CALN1: variants seen among roughly 807,000 people sequenced by gnomAD.
The protein encoded by CALN1 is calcium-binding protein 8.
Under a neutral mutation model 30.6 loss-of-function variants are expected in CALN1, and 17 were observed. The observed-to-expected ratio is 0.56, with a 90% CI of 0.38 to 0.83. CALN1 has a LOEUF of 0.83. CALN1 is among the 40% of genes least tolerant of loss of function. CALN1 has a pLI of 0.00. For missense variants in CALN1, 291 were observed against 354.9 expected (o/e 0.82, Z 1.45); for synonymous variants, 156 against 131.4 (o/e 1.19, Z -1.28).
At chr7:72,383,370 A>G (rs769801854) in intron 2 of CALN1, among the ~76,000 whole-genome samples, 3 of 152,198 alleles carry the variant, frequency 2.0e-5, no homozygotes, top group Non-Finnish European at 4.4e-5. Flanking sequence ...ACTAACTTGC[A>G]TTCCCACCAA....
At chr7:71,935,481 G>C (rs940406511) in intron 5 of CALN1, among the ~76,000 whole-genome samples, 4 of 152,214 alleles carry the variant, frequency 2.6e-5, no homozygotes, top group Non-Finnish European at 5.9e-5. Context: ...CCAGCAGTTT[G>C]GGAGGCCGAG....
the CALN1 span, among the ~76,000 whole-genome samples, chr7:72,472,087 C>A: frequency 1.3e-5 from 2 of 152,208 alleles, no homozygotes; most frequent in East Asian, 3.9e-4. Flanking sequence ...TGAGCCACTG[C>A]GCCCAGCCAA....
intron 3 of CALN1, among the ~76,000 whole-genome samples, chr7:72,241,828 T>G (rs1447958116): frequency 6.6e-6 from 1 of 152,180 alleles, no homozygotes; most frequent in Non-Finnish European, 1.5e-5. Context: ...CCATGCCATC[T>G]AAAAAGTAAA....
chr7:72,351,820 C>T (rs1802937221), intron 2 of CALN1, among the ~76,000 whole-genome samples: 1 of 152,126 alleles, frequency 6.6e-6, no homozygotes. Flanking sequence ...ACATTTACAC[C>T]TAAATATATT....
intron 3 of CALN1, among the ~76,000 whole-genome samples, chr7:72,221,573 G>C (rs1428866980): frequency 2.0e-5 from 3 of 152,076 alleles, no homozygotes; most frequent in African/African-American, 7.2e-5. Flanking sequence ...AACTACTTAG[G>C]ACCAGGAAAA....
the CALN1 span, among the ~76,000 whole-genome samples, chr7:72,499,767 T>A: frequency 7.3e-6 from 1 of 136,648 alleles, no homozygotes; most frequent in African/African-American, 2.9e-5. Context: ...CCGCAAAACT[T>A]TCTTTCTTTC....
the CALN1 span, among the ~76,000 whole-genome samples, chr7:72,489,023 A>C: frequency 6.6e-6 from 1 of 151,620 alleles, no homozygotes; most frequent in African/African-American, 2.4e-5. Flanking sequence ...ATATGGTAAA[A>C]TTTTTTTTTC....
chr7:71,936,450 T>C (rs1439371368), intron 5 of CALN1, among the ~76,000 whole-genome samples: 1 of 150,632 alleles, frequency 6.6e-6, no homozygotes, highest in Non-Finnish European at 1.5e-5. Flanking sequence ...TTCACTCCTC[T>C]GGCACTGTAC....
rs992898410 is a variant in CALN1 at position 72,305,021 on chromosome 7, G to A, written c.120-26211C>T. On this transcript the variant is annotated intron_variant, in intron 2 of 6. Coordinates refer to ENST00000395275, the MANE Select transcript of CALN1 (RefSeq NM_031468.4). ...AGGACCAAGGCTGCCTGATGGCCAC[G>A]GCTACAGTGACCTGCAGCCTCGCAT... Among the ~76,000 whole-genome samples the A allele has an allele frequency of 1.1e-4, 16 of 152,268 alleles. No individual in the cohort carries two copies. The South Asian group carries it at 1.7e-3, about 16-fold the overall frequency.
chr7:72,104,506 T>A (rs891813891), intron 4 of CALN1, among the ~76,000 whole-genome samples: 1 of 152,122 alleles, frequency 6.6e-6, no homozygotes, highest in Non-Finnish European at 1.5e-5. Context: ...ATCACCTTGG[T>A]ATTAAGCCCA....
chr7:71,913,272 A>G (rs1794518702), intron 5 of CALN1, among the ~76,000 whole-genome samples: 1 of 152,178 alleles, frequency 6.6e-6, no homozygotes, highest in African/African-American at 2.4e-5. Flanking sequence ...AGTCACTTCT[A>G]CTGTGCATTA....
Position 72,269,343 on chromosome 7 carries a change from T to A in CALN1, c.244+9343A>T, listed in dbSNP as rs967589861. Among the ~76,000 whole-genome samples the A allele has an allele frequency of 2.6e-5, 4 of 152,070 alleles. No homozygotes were observed. The East Asian group carries it at 7.7e-4, about 29-fold the overall frequency. The stretch of plus-strand genomic sequence containing the variant: ...ATTTAACATTAGGTATATCTCCTAA[T>A]GCTATCCCTCCCCCCTGCCCCCACT... On this transcript the variant is annotated intron_variant, in intron 3 of 6. Coordinates refer to ENST00000395275, the MANE Select transcript of CALN1 (RefSeq NM_031468.4).
At chr7:72,503,878 C>A in the CALN1 span, among the ~76,000 whole-genome samples, 4 of 152,036 alleles carry the variant, frequency 2.6e-5, no homozygotes, top group African/African-American at 9.7e-5. Context: ...TCAGTCAAGG[C>A]GAGAATGCCT....
chr7:72,265,041 C>G (rs1040316631), intron 3 of CALN1, among the ~76,000 whole-genome samples: 2 of 152,278 alleles, frequency 1.3e-5, no homozygotes, highest in African/African-American at 4.8e-5. Context: ...GGTTTTGTCT[C>G]GAACTTCTGG....
intron 5 of CALN1, among the ~76,000 whole-genome samples, chr7:71,922,592 A>T (rs1317027259): frequency 1.5e-4 from 20 of 137,758 alleles, no homozygotes; most frequent in Admixed American, 3.1e-4. Flanking sequence ...AGAATGTATT[A>T]TATATAAATA....
chr7:72,488,470 C>T, the CALN1 span, among the ~76,000 whole-genome samples: 1 of 152,160 alleles, frequency 6.6e-6, no homozygotes, highest in Non-Finnish European at 1.5e-5. Context: ...CTCTCCCTTT[C>T]TTTCAGAATT....
At chr7:72,331,591 C>G (rs1026662520) in intron 2 of CALN1, among the ~76,000 whole-genome samples, 2 of 152,198 alleles carry the variant, frequency 1.3e-5, no homozygotes, top group African/African-American at 4.8e-5. Context: ...AATTCAAGGG[C>G]AAGCCAGGGG....
intron 5 of CALN1, among the ~76,000 whole-genome samples, chr7:71,832,138 T>G (rs1285918565): frequency 6.6e-6 from 1 of 152,058 alleles, no homozygotes; most frequent in South Asian, 2.1e-4. Context: ...AAAACACCCC[T>G]GCTTTTTTTT....
At chr7:72,099,882 C>T (rs1246439052) in intron 4 of CALN1, among the ~76,000 whole-genome samples, 1 of 152,170 alleles carries the variant, frequency 6.6e-6, no homozygotes, top group Non-Finnish European at 1.5e-5. Context: ...CTCAGAAGTT[C>T]TGCTTTCAGC....
Sources: gnomAD v4.1 joint callset for allele counts (sites outside exome capture counted in the v4.1 genomes callset) on GRCh38, gnomAD v4.1.1 for gene constraint, MANE v1.5 for transcripts, NCBI Gene and HGNC (gene_info 2026-07-23, HGNC 2026-07-21) for gene names.